EHD4: variants seen among roughly 807,000 people sequenced by gnomAD.
EHD4 encodes the protein EH domain containing 4, also known as EH domain-containing protein 4.
Under a neutral mutation model 51.0 loss-of-function variants are expected in EHD4, and 37 were observed. The ratio of observed to expected loss-of-function variants is 0.73; its 90% CI spans 0.56 to 0.95. EHD4 has a LOEUF of 0.95. Among genes scored for constraint, EHD4 ranks in the 40% least tolerant of loss-of-function variants. EHD4 has a pLI of 0.00. For synonymous variants in EHD4, 297 were observed against 317.3 expected, an observed-to-expected ratio of 0.94 and a Z score of 0.68; for missense variants, 632 against 733.1, an observed-to-expected ratio of 0.86 and a Z score of 1.59.
chr15:41,915,297 C>T (rs966870744), intron 4 of EHD4, among the ~76,000 whole-genome samples: 3 of 152,218 alleles, frequency 2.0e-5, no homozygotes, highest in Admixed American at 1.3e-4. Context: ...AGGCTGGTCT[C>T]GAACTCCTGA....
At chr15:41,946,023 G>A (rs1335160239) in intron 2 of EHD4, among the ~76,000 whole-genome samples, 1 of 152,222 alleles carries the variant, frequency 6.6e-6, no homozygotes, top group Non-Finnish European at 1.5e-5. Context: ...AATGTGCACG[G>A]AAAGTGCTTT....
intron 5 of EHD4, among the ~76,000 whole-genome samples, chr15:41,901,535 C>G (rs1414242824): frequency 6.6e-6 from 1 of 152,162 alleles, no homozygotes; most frequent in African/African-American, 2.4e-5. Flanking sequence ...ATCTTCATAG[C>G]AATCCTGGGA....
chr15:41,953,844 G>A lies in EHD4; in HGVS notation c.333C>T (p.Ser111=), dbSNP rs542506240. 4.3e-6 allele frequency: 7 copies of A among 1,614,050 alleles called. No homozygotes were observed. Among genetic ancestry groups the A allele is most frequent in the Non-Finnish European group, 5.9e-6 (7 of 1,179,994 alleles). ...CCACGACTAAAGCATTCCCTGGGGT[G>A]CTGCCCTCAGTCTCTCCATACATCA... The part of the protein sequence containing the change: ...IAVMYGETEG[S]TPGNALVVDP... The change falls in exon 2 of 6, where the codon AGC becomes AGT. Residue 111 remains serine (S), a synonymous_variant. Coordinates refer to ENST00000220325, the MANE Select transcript of EHD4 (RefSeq NM_139265.4).
chr15:41,896,024 A>T lies in EHD4; in HGVS notation c.*4621T>A, dbSNP rs1035193071. 2 of 152,102 alleles carry T rather than the reference A, an allele frequency of 1.3e-5. No individual in the cohort carries two copies. Among genetic ancestry groups the T allele is most frequent in the African/African-American group, 2.4e-5 (1 of 41,386 alleles). 9.4% of individuals were successfully genotyped at this position (152,102 alleles called of 1,614,324 possible). A position where few individuals can be genotyped will look rare whatever the true frequency, so the allele number is the denominator to read the frequency against. On this transcript the variant is annotated 3_prime_UTR_variant, in exon 6 of 6. Transcript: ENST00000220325. The stretch of plus-strand genomic sequence containing the variant: ...TCTTAGGTTGCCCAGGCTGGTCTTG[A>T]ACTCCTGGCCTCAACGATCTTCCCA...
chr15:41,933,274 G>T (rs2067710848), intron 3 of EHD4, among the ~76,000 whole-genome samples: 1 of 152,214 alleles, frequency 6.6e-6, no homozygotes, highest in African/African-American at 2.4e-5. Context: ...ACAGGTACAT[G>T]AAACCTGAAT....
chr15:41,952,690 T>C (rs2067860067), intron 2 of EHD4, among the ~76,000 whole-genome samples: 1 of 152,050 alleles, frequency 6.6e-6, no homozygotes, highest in Non-Finnish European at 1.5e-5. Context: ...TTTACATCTA[T>C]AAAATAGTGA....
intron 4 of EHD4, among the ~76,000 whole-genome samples, chr15:41,910,631 G>A (rs1251416625): frequency 5.3e-5 from 8 of 152,160 alleles, no homozygotes; most frequent in Admixed American, 2.6e-4. Context: ...GTGGAACAGC[G>A]TGATCTTGGC....
At chr15:41,932,601 T>A (rs1042339770) in intron 3 of EHD4, among the ~76,000 whole-genome samples, 7 of 152,050 alleles carry the variant, frequency 4.6e-5, no homozygotes, top group Admixed American at 1.3e-4. Flanking sequence ...GTGAGAAATA[T>A]CCCTAGATAC....
chr15:41,911,389 C>T (rs561421115), intron 4 of EHD4, among the ~76,000 whole-genome samples: 1 of 151,980 alleles, frequency 6.6e-6, no homozygotes, highest in Non-Finnish European at 1.5e-5. Flanking sequence ...GTTTGGGATC[C>T]GTTATTTAGA....
intron 4 of EHD4, among the ~76,000 whole-genome samples, chr15:41,917,504 C>T (rs2067592802): frequency 6.6e-6 from 1 of 152,216 alleles, no homozygotes; most frequent in South Asian, 2.1e-4. Flanking sequence ...GAAGAATGTC[C>T]ATGAGCATTT....
chr15:41,906,133 T>G (rs1334471822), intron 5 of EHD4, among the ~76,000 whole-genome samples: 1 of 152,192 alleles, frequency 6.6e-6, no homozygotes, highest in East Asian at 1.9e-4. Flanking sequence ...ACAAGTCAAA[T>G]CCATGGACTG....
At chr15:41,906,590 A>G (rs1228165463) in intron 5 of EHD4, among the ~76,000 whole-genome samples, 1 of 152,212 alleles carries the variant, frequency 6.6e-6, no homozygotes, top group East Asian at 1.9e-4. Context: ...GTGCCACTCA[A>G]CAGAAGCAGT....
chr15:41,927,264 T>C (rs761909079), intron 3 of EHD4, among the ~76,000 whole-genome samples: 5 of 152,252 alleles, frequency 3.3e-5, no homozygotes, highest in African/African-American at 7.2e-5. Flanking sequence ...AAACTAAAAA[T>C]GGAACTATCA....
chr15:41,963,881 C>A (rs2067943868), intron 1 of EHD4, among the ~76,000 whole-genome samples: 1 of 152,034 alleles, frequency 6.6e-6, no homozygotes, highest in South Asian at 2.1e-4. Context: ...CTCGGTGGCT[C>A]ATGCCTATAA....
At chr15:41,917,032 C>T (rs1003513903) in intron 4 of EHD4, among the ~76,000 whole-genome samples, 1 of 152,212 alleles carries the variant, frequency 6.6e-6, no homozygotes, top group Non-Finnish European at 1.5e-5. Flanking sequence ...GGGCCCGAGG[C>T]TCAAGGATGG....
intron 4 of EHD4, among the ~76,000 whole-genome samples, chr15:41,918,545 G>T (rs779408004): frequency 6.6e-6 from 1 of 152,250 alleles, no homozygotes; most frequent in Admixed American, 6.5e-5. Flanking sequence ...GATGTCAGCA[G>T]GTCACCTCTC....
chr15:41,960,073 A>G (rs192720443), intron 1 of EHD4, among the ~76,000 whole-genome samples: 2 of 152,332 alleles, frequency 1.3e-5, no homozygotes, highest in Admixed American at 1.3e-4. Flanking sequence ...CTTACAAGAT[A>G]GGCCAAGATA....
At chr15:41,951,163 C>A (rs1281550766) in intron 2 of EHD4, among the ~76,000 whole-genome samples, 5 of 152,192 alleles carry the variant, frequency 3.3e-5, no homozygotes, top group Non-Finnish European at 5.9e-5. Flanking sequence ...AAAGTAACCT[C>A]TTTATGCCTT....
chr15:41,964,403 G>C (rs982707818), intron 1 of EHD4, among the ~76,000 whole-genome samples: 3 of 152,098 alleles, frequency 2.0e-5, no homozygotes. Flanking sequence ...AGGAGTTTGA[G>C]ACCAGCCTAG....
Sources: gnomAD v4.1 joint callset for allele counts (sites outside exome capture counted in the v4.1 genomes callset) on GRCh38, gnomAD v4.1.1 for gene constraint, MANE v1.5 for transcripts, NCBI Gene and HGNC (gene_info 2026-07-23, HGNC 2026-07-21) for gene names.